The following ASB18 variants were observed in gnomAD, a reference collection of about 807,000 sequenced individuals.
The protein encoded by ASB18 is ankyrin repeat and SOCS box protein 18.
ASB18 carries 33 observed loss-of-function variants against 33.4 expected under a neutral mutation model. That is an observed-to-expected ratio of 0.99 (90% CI 0.75 to 1.32). ASB18 has a LOEUF of 1.32. ASB18 is among the 40% of genes most tolerant of loss of function. ASB18 has a pLI of 0.00. For missense variants in ASB18, 694 were observed against 655.5 expected (o/e 1.06, Z -0.64); for synonymous variants, 295 against 307.6 (o/e 0.96, Z 0.43).
intron 3 of ASB18, among the ~76,000 whole-genome samples, chr2:236,230,682 G>A (rs1049312253): frequency 1.3e-5 from 2 of 150,398 alleles, no homozygotes; most frequent in African/African-American, 2.4e-5. Flanking sequence ...AAATAAAGAT[G>A]TATACTATAA....
intron 1 of ASB18, among the ~76,000 whole-genome samples, chr2:236,243,474 G>T (rs2060631496): frequency 6.6e-6 from 1 of 152,018 alleles, no homozygotes; most frequent in Non-Finnish European, 1.5e-5. Context: ...TCCAAGGGTT[G>T]TGGCCACCCT....
At chr2:236,232,144 A>G (rs2060568730) in intron 3 of ASB18, among the ~76,000 whole-genome samples, 1 of 152,130 alleles carries the variant, frequency 6.6e-6, no homozygotes, top group African/African-American at 2.4e-5. Context: ...AAAAGGACTA[A>G]AGTCATACAA....
chr2:236,263,405 T>C lies in ASB18; in HGVS notation c.205+736A>G, dbSNP rs7592428. Among the ~76,000 whole-genome samples the C allele has an allele frequency of 6.6e-6, 1 of 152,192 alleles. No individual in the cohort carries two copies. The highest frequency in any genetic ancestry group is 1.5e-5 in the Non-Finnish European group (1 of 68,026). On this transcript the variant is annotated intron_variant, in intron 1 of 5. Transcript: ENST00000409749. This position sits in a 1 kb window ranked among gnomAD's most constrained non-coding sequence, Gnocchi z 4.0. ...GACAGGCAGTGAAGAATTACCAGTGTGTGCTTATCAAATGGCAATTTAATA... is the reference window on the plus strand; with the variant it reads ...GACAGGCAGTGAAGAATTACCAGTGCGTGCTTATCAAATGGCAATTTAATA...
Position 236,195,362 on chromosome 2 carries a change from CG to C in ASB18, c.1216-306del, listed in dbSNP as rs2060366876. On this transcript the variant is annotated intron_variant, in intron 5 of 5. Transcript: ENST00000409749. This position sits in a 1 kb window ranked among gnomAD's most constrained non-coding sequence, Gnocchi z 5.5. ...TCTTTGCACAGCAGCCCTACAGCTC[CG>C]GGGTGGCCCTGTTCATCTCCCCAAG... Among the ~76,000 whole-genome samples the C allele has an allele frequency of 6.6e-6, 1 of 152,082 alleles. No individual in the cohort carries two copies. Among genetic ancestry groups the C allele is most frequent in the Non-Finnish European group, 1.5e-5 (1 of 68,006 alleles).
At position 236,263,918 on chromosome 2, in the gene ASB18, A is replaced by G. The variant is rs1466124204; in HGVS notation, c.205+223T>C. Among the ~76,000 whole-genome samples the G allele has an allele frequency of 6.6e-6, 1 of 152,198 alleles. No homozygotes were observed. The highest frequency in any genetic ancestry group is 1.5e-5 in the Non-Finnish European group (1 of 68,040). ...GGAGCCACAGAGCAGCCACTGTGGTAGGATTAGTTTTTTTGTGTTGTGTTG... is the reference window on the plus strand; with the variant it reads ...GGAGCCACAGAGCAGCCACTGTGGTGGGATTAGTTTTTTTGTGTTGTGTTG... On this transcript the variant is annotated intron_variant, in intron 1 of 5. Transcript: ENST00000409749. This position sits in a 1 kb window ranked among gnomAD's most constrained non-coding sequence, Gnocchi z 4.0.
Position 236,262,238 on chromosome 2 carries a change from G to A in ASB18, c.205+1903C>T, listed in dbSNP as rs1250736064. Among the ~76,000 whole-genome samples, 2 of 152,214 alleles carry A rather than the reference G, an allele frequency of 1.3e-5. No homozygotes were observed. Among genetic ancestry groups the A allele is most frequent in the East Asian group, 3.8e-4 (2 of 5,198 alleles). Reference sequence around the variant, plus strand: ...GCTGGGACTGGTTTATGAAGGAAGAGCTGTTGAGAGGACGCTTGCTGTAGT... The same window carrying A: ...GCTGGGACTGGTTTATGAAGGAAGAACTGTTGAGAGGACGCTTGCTGTAGT... On this transcript the variant is annotated intron_variant, in intron 1 of 5. Transcript: ENST00000409749. This position sits in a 1 kb window ranked among gnomAD's most constrained non-coding sequence, Gnocchi z 5.2.
chr2:236,247,019 A>G (rs1286124639), intron 1 of ASB18, among the ~76,000 whole-genome samples: 1 of 152,138 alleles, frequency 6.6e-6, no homozygotes, highest in Non-Finnish European at 1.5e-5. Context: ...GCCATTCCAC[A>G]CTGCACCAGA....
rs2060362172 is a variant in ASB18 at position 236,194,572 on chromosome 2, T to C, written c.*300A>G. Among the ~76,000 whole-genome samples, 2 of 152,276 alleles carry C rather than the reference T, an allele frequency of 1.3e-5. No homozygotes were observed. The highest frequency in any genetic ancestry group is 6.5e-5 in the Admixed American group (1 of 15,290). ...CCTATCGAAGACCTTAAGTGAGGAC[T>C]CACTGTACCTTTTGGCTTAACTGTT... On this transcript the variant is annotated 3_prime_UTR_variant, in exon 6 of 6. Transcript: ENST00000409749. This position sits in a 1 kb window ranked among gnomAD's most constrained non-coding sequence, Gnocchi z 4.5.
At chr2:236,242,421 T>G (rs1289415442) in intron 1 of ASB18, among the ~76,000 whole-genome samples, 1 of 152,136 alleles carries the variant, frequency 6.6e-6, no homozygotes, top group African/African-American at 2.4e-5. Context: ...CTGTCACTAG[T>G]TGGCGATCTC....
At chr2:236,246,339 T>A (rs2060644321) in intron 1 of ASB18, among the ~76,000 whole-genome samples, 1 of 83,252 alleles carries the variant, frequency 1.2e-5, no homozygotes, top group African/African-American at 5.8e-5. Flanking sequence ...AGAGCAAGAC[T>A]CCATCTCAAA....
At position 236,237,179 on chromosome 2, in the gene ASB18, A is replaced by C. The variant is rs1271363025; in HGVS notation, c.596+510T>G. Among the ~76,000 whole-genome samples, 3 of 152,194 alleles carry C rather than the reference A, an allele frequency of 2.0e-5. No homozygotes were observed. The highest frequency in any genetic ancestry group is 4.4e-5 in the Non-Finnish European group (3 of 68,042). On this transcript the variant is annotated intron_variant, in intron 3 of 5. Coordinates refer to ENST00000409749, the MANE Select transcript of ASB18 (RefSeq NM_212556.4). The surrounding 1 kb of genome is among the most constrained non-coding windows in gnomAD (Gnocchi z 6.2). ...TGTCACACTGTGACAATTATTCTGCATAAAATTATCATTAAAAACCCTAAT... is the reference window on the plus strand; with the variant it reads ...TGTCACACTGTGACAATTATTCTGCCTAAAATTATCATTAAAAACCCTAAT...
Position 236,241,397 on chromosome 2 carries a change from G to T in ASB18, c.211C>A (p.Leu71Ile). The change falls in exon 2 of 6, where the codon CTC becomes ATC. Residue 71 changes from leucine to isoleucine, a missense_variant. By Grantham distance (5) the Leu-to-Ile change is conservative (BLOSUM62 2). Transcript: ENST00000409749. The surrounding 1 kb of genome is among the most constrained non-coding windows in gnomAD (Gnocchi z 4.2). ...TCCATGAGGGGCTTCAGATGGTCGA[G>T]GTCCCCTGCGACCAGGGCAGTGTGG... ...QLPTGMLLGD[L>I]DHLKPLMDQF... 6.2e-7 allele frequency: 1 copy of T among 1,613,960 alleles called. No homozygotes were observed. Among genetic ancestry groups the T allele is most frequent in the Non-Finnish European group, 8.5e-7 (1 of 1,179,860 alleles).
rs1388474162 is a variant in ASB18, at chr2:236,263,873, G to T, written c.205+268C>A. On this transcript the variant is annotated intron_variant, in intron 1 of 5. Coordinates refer to ENST00000409749, the MANE Select transcript of ASB18 (RefSeq NM_212556.4). This position sits in a 1 kb window ranked among gnomAD's most constrained non-coding sequence, Gnocchi z 4.0. Reference sequence around the variant, plus strand: ...GTGGGTGAAATTTACACACGCAAATGGACAGGCTTGGAAAACAATGGAGCC... The same window carrying T: ...GTGGGTGAAATTTACACACGCAAATTGACAGGCTTGGAAAACAATGGAGCC... 6.6e-6 allele frequency among the ~76,000 whole-genome samples: 1 copy of T among 152,182 alleles called. No homozygotes were observed. The highest frequency in any genetic ancestry group is 1.5e-5 in the Non-Finnish European group (1 of 68,028).
chr2:236,201,353 T>C (rs907096797), intron 4 of ASB18, among the ~76,000 whole-genome samples: 1 of 152,072 alleles, frequency 6.6e-6, no homozygotes, highest in African/African-American at 2.4e-5. Flanking sequence ...AAGGTCTCAC[T>C]ATGCTGCCCA....
At position 236,204,513 on chromosome 2, in the gene ASB18, C is replaced by T. The variant is rs2060423646; in HGVS notation, c.1102-8128G>A. Among the ~76,000 whole-genome samples, 1 of 152,202 alleles carries T rather than the reference C, an allele frequency of 6.6e-6. No individual in the cohort carries two copies. The highest frequency in any genetic ancestry group is 1.5e-5 in the Non-Finnish European group (1 of 68,044). ...TTATCTGGTTTCCTGGCTTTAAATA[C>T]CATCCTTTGTCACTGACCCTCAAAG... On this transcript the variant is annotated intron_variant, in intron 4 of 5. Coordinates refer to ENST00000409749, the MANE Select transcript of ASB18 (RefSeq NM_212556.4). The surrounding 1 kb of genome is among the most constrained non-coding windows in gnomAD (Gnocchi z 5.1).
chr2:236,261,816 A>T (rs925472200), intron 1 of ASB18, among the ~76,000 whole-genome samples: 2 of 152,172 alleles, frequency 1.3e-5, no homozygotes, highest in Non-Finnish European at 2.9e-5. Flanking sequence ...AAGAACAAAG[A>T]CACGTTTTAC....
Position 236,245,299 on chromosome 2 carries a change from G to A in ASB18, c.206-3897C>T, listed in dbSNP as rs1197282725. Among the ~76,000 whole-genome samples the A allele has an allele frequency of 6.6e-6, 1 of 152,162 alleles. No homozygotes were observed. Among genetic ancestry groups the A allele is most frequent in the Non-Finnish European group, 1.5e-5 (1 of 68,022 alleles). On this transcript the variant is annotated intron_variant, in intron 1 of 5. Transcript: ENST00000409749. The surrounding 1 kb of genome is among the most constrained non-coding windows in gnomAD (Gnocchi z 4.7). ...CACTGCTAGTGACTCTGTGTCAGGT[G>A]TATCCCTGCAGGTTGATACCCTTGA...
Position 236,209,603 on chromosome 2 carries a change from C to T in ASB18, c.1101+4759G>A, listed in dbSNP as rs1181873685. Among the ~76,000 whole-genome samples, 3 of 152,218 alleles carry T rather than the reference C, an allele frequency of 2.0e-5. No individual in the cohort carries two copies. Among genetic ancestry groups the T allele is most frequent in the Non-Finnish European group, 4.4e-5 (3 of 68,042 alleles). On this transcript the variant is annotated intron_variant, in intron 4 of 5. Transcript: ENST00000409749. The surrounding 1 kb of genome is among the most constrained non-coding windows in gnomAD (Gnocchi z 4.4). ...CTTGCACCAACCTCCATCCCCCATG[C>T]AAGCTATGTGAATCCCTTACCTGGA...
rs574936196 is a variant in ASB18, at chr2:236,215,020, GAA to G, written c.597-156_597-155del. On this transcript the variant is annotated intron_variant, in intron 3 of 5. Transcript: ENST00000409749. This position sits in a 1 kb window ranked among gnomAD's most constrained non-coding sequence, Gnocchi z 7.2. The stretch of plus-strand genomic sequence containing the variant: ...GGCGTCAGGAGTTCAAACTAAACTG[GAA>G]AAAAAAAAAAAAAAAAAGAGATTAT... 0.039 allele frequency among the ~76,000 whole-genome samples: 4,700 copies of G among 119,996 alleles called. 257 individuals carry two copies. The highest frequency in any genetic ancestry group is 0.12 in the African/African-American group (4,183 of 33,778). 78.7% of individuals were successfully genotyped at this position (119,996 alleles called of 152,430 possible). A position where few individuals can be genotyped will look rare whatever the true frequency, so the allele number is the denominator to read the frequency against.
Sources: allele counts gnomAD v4.1 joint callset (sites outside exome capture counted in the v4.1 genomes callset), GRCh38; gene constraint gnomAD v4.1.1; non-coding constraint Gnocchi (gnomAD v3.1); transcripts MANE v1.5; gene names NCBI Gene and HGNC (gene_info 2026-07-23, HGNC 2026-07-21).